The following EYS variants were observed in gnomAD, a reference collection of about 807,000 sequenced individuals.
The protein encoded by EYS is EGF-like photoreceptor maintenance factor.
A neutral mutation model predicts 282.1 loss-of-function variants in EYS; 250 were observed. That is an observed-to-expected ratio of 0.89 (90% CI 0.80 to 0.98). The LOEUF (loss-of-function observed/expected upper bound fraction) is 0.98. Among genes scored for constraint, EYS ranks in the 50% least tolerant of loss-of-function variants. The pLI is 0.00. For missense variants in EYS, 4,016 were observed against 3,709.0 expected (o/e 1.08, Z -2.15); for synonymous variants, 1,355 against 1,282.9 (o/e 1.06, Z -1.20).
intron 12 of EYS, among the ~76,000 whole-genome samples, chr6:65,243,331 C>G (rs1325530156): frequency 6.6e-6 from 1 of 152,188 alleles, no homozygotes; most frequent in African/African-American, 2.4e-5. Flanking sequence ...CTACACTATA[C>G]TGTCAACTAT....
At chr6:64,654,780 C>A (rs1768686735) in intron 22 of EYS, among the ~76,000 whole-genome samples, 1 of 152,124 alleles carries the variant, frequency 6.6e-6, no homozygotes, top group African/African-American at 2.4e-5. Flanking sequence ...CTCCAAATGG[C>A]CACTTCTGTC....
At chr6:65,605,498 T>C (rs1344347811) in intron 2 of EYS, among the ~76,000 whole-genome samples, 2 of 151,938 alleles carry the variant, frequency 1.3e-5, no homozygotes, top group Admixed American at 6.6e-5. Context: ...TTTGAATATA[T>C]GTCTAATAAA....
At chr6:64,067,272 A>G (rs1771406413) in intron 32 of EYS, among the ~76,000 whole-genome samples, 1 of 152,132 alleles carries the variant, frequency 6.6e-6, no homozygotes, top group African/African-American at 2.4e-5. Flanking sequence ...AATCACAGAA[A>G]TTATAAGCAT....
chr6:65,610,149 C>A (rs1189537036), intron 2 of EYS, among the ~76,000 whole-genome samples: 1 of 152,004 alleles, frequency 6.6e-6, no homozygotes, highest in Non-Finnish European at 1.5e-5. Context: ...ACAAGTGAAC[C>A]TTTCCCCTTA....
intron 31 of EYS, among the ~76,000 whole-genome samples, chr6:64,203,773 T>C (rs897474852): frequency 1.3e-5 from 2 of 152,218 alleles, no homozygotes; most frequent in African/African-American, 2.4e-5. Context: ...GTTTCAGGTC[T>C]AGAGCAATAC....
rs577724145 is a variant in EYS at position 64,566,049 on chromosome 6, G to T, written c.5644+24174C>A. Reference sequence around the variant, plus strand: ...AAGAAATCTGGTTTCACAAATGTAAGAGAAATCCTAAATACATGGCTTTCT... The same window carrying T: ...AAGAAATCTGGTTTCACAAATGTAATAGAAATCCTAAATACATGGCTTTCT... On this transcript the variant is annotated intron_variant, in intron 26 of 42. Coordinates refer to ENST00000503581, the MANE Select transcript of EYS (RefSeq NM_001142800.2). Among the ~76,000 whole-genome samples the T allele has an allele frequency of 1.1e-4, 17 of 150,924 alleles. No individual in the cohort carries two copies. The South Asian group carries it at 3.6e-3, about 32-fold the overall frequency.
intron 4 of EYS, 51 bp from the exon 5 acceptor site, chr6:65,490,758 C>T (rs751814084): frequency 2.1e-5 from 19 of 926,476 alleles, no homozygotes; most frequent in Admixed American, 1.8e-5. Flanking sequence ...ATATTATAAC[C>T]ATCAGTTTTC....
intron 12 of EYS, among the ~76,000 whole-genome samples, chr6:65,271,361 T>C (rs1767899525): frequency 6.6e-6 from 1 of 151,220 alleles, no homozygotes; most frequent in African/African-American, 2.4e-5. Context: ...GCTCACACAG[T>C]AGGGAAGAGG....
intron 14 of EYS, among the ~76,000 whole-genome samples, chr6:64,991,617 T>C (rs7764566): frequency 0.32 from 49,050 of 151,426 alleles, 9,811 homozygotes; most frequent in Admixed American, 0.46. Flanking sequence ...AGACTAACAC[T>C]TCACTAATTT....
intron 31 of EYS, among the ~76,000 whole-genome samples, chr6:64,118,685 A>T (rs181061284): frequency 6.6e-6 from 1 of 152,090 alleles, no homozygotes; most frequent in East Asian, 1.9e-4. Context: ...ATAGACAAAT[A>T]GGATTATATC....
At chr6:63,878,857 T>C (rs1773051607) in intron 35 of EYS, among the ~76,000 whole-genome samples, 1 of 152,198 alleles carries the variant, frequency 6.6e-6, no homozygotes, top group African/African-American at 2.4e-5. Flanking sequence ...GTGTCCCGAT[T>C]TTCCAGGTAC....
chr6:65,114,023 T>C (rs527702346), intron 12 of EYS, among the ~76,000 whole-genome samples: 2 of 151,974 alleles, frequency 1.3e-5, no homozygotes, highest in Non-Finnish European at 2.9e-5. Flanking sequence ...CTGACCTTAT[T>C]TGTAATATCT....
chr6:65,659,697 C>T, intron 1 of EYS, among the ~76,000 whole-genome samples: 1 of 147,652 alleles, frequency 6.8e-6, no homozygotes, highest in East Asian at 2.1e-4. Context: ...AGCTGCTATG[C>T]TTTCTATTTC....
At chr6:63,947,789 C>CT (rs1349167831) in intron 35 of EYS, among the ~76,000 whole-genome samples, 5 of 152,086 alleles carry the variant, frequency 3.3e-5, no homozygotes, top group Non-Finnish European at 7.4e-5. Context: ...TTGGTTATGC[C>CT]TTATGTTGAG....
chr6:64,675,916 G>GCT (rs1249331021), intron 22 of EYS, among the ~76,000 whole-genome samples: 2 of 147,014 alleles, frequency 1.4e-5, no homozygotes, highest in Non-Finnish European at 3.0e-5. Flanking sequence ...AGATTAAATG[G>GCT]CTCTCTCTCT....
At chr6:65,684,692 C>A (rs1183549359) in intron 1 of EYS, among the ~76,000 whole-genome samples, 1 of 151,888 alleles carries the variant, frequency 6.6e-6, no homozygotes, top group African/African-American at 2.4e-5. Flanking sequence ...AAACATGTGT[C>A]CTTTTTTTTC....
intron 24 of EYS, among the ~76,000 whole-genome samples, chr6:64,610,702 C>G (rs976744284): frequency 6.6e-6 from 1 of 152,120 alleles, no homozygotes; most frequent in Admixed American, 6.5e-5. Context: ...CTGCAACAAG[C>G]AAGTTGTAAG....
At chr6:63,745,133 T>C in intron 41 of EYS, 1 of 330,716 alleles carries the variant, frequency 3.0e-6, no homozygotes, top group Non-Finnish European at 5.8e-6. Flanking sequence ...ATTTGCCAAA[T>C]CTGCTAAATC....
chr6:65,333,201 C>G (rs2150312348), intron 11 of EYS, among the ~76,000 whole-genome samples: 1 of 151,572 alleles, frequency 6.6e-6, no homozygotes, highest in South Asian at 2.1e-4. Flanking sequence ...TTATTCGCAG[C>G]ACTGCATCAC....
Sources: allele counts gnomAD v4.1 joint callset (sites outside exome capture counted in the v4.1 genomes callset), GRCh38; gene constraint gnomAD v4.1.1; transcripts MANE v1.5; gene names NCBI Gene and HGNC (gene_info 2026-07-23, HGNC 2026-07-21).